NCAPD2: variants seen among roughly 807,000 people sequenced by gnomAD.
The protein encoded by NCAPD2 is non-SMC condensin I complex subunit D2, also known as condensin complex subunit 1.
Under a neutral mutation model 164.5 loss-of-function variants are expected in NCAPD2, and 100 were observed. The ratio of observed to expected loss-of-function variants is 0.61; its 90% CI spans 0.52 to 0.72. The LOEUF (loss-of-function observed/expected upper bound fraction) is 0.72. Ranked by LOEUF, NCAPD2 falls within the 30% of genes least tolerant of loss-of-function variation. NCAPD2 has a pLI of 0.00. For synonymous variants in NCAPD2, 585 were observed against 642.6 expected (o/e 0.91, Z 1.36); for missense variants, 1,560 against 1,749.2 (o/e 0.89, Z 1.93).
intron 14 of NCAPD2, 58 bp downstream of exon 14, chr12:6,521,168 C>A: frequency 6.3e-7 from 1 of 1,586,670 alleles, no homozygotes; most frequent in Non-Finnish European, 8.6e-7. Context: ...ATTTACTGAG[C>A]ATTAACTTTA....
At chr12:6,530,627 T>C in intron 29 of NCAPD2, 64 bp from the exon 30 acceptor site, 1 of 1,599,422 alleles carries the variant, frequency 6.3e-7, no homozygotes, top group Non-Finnish European at 8.5e-7. Flanking sequence ...TCCATGGCCT[T>C]GTTTCTTTTT....
At chr12:6,529,630 G>A (rs759818355) in intron 28 of NCAPD2, 37 bp downstream of exon 28, 12 of 1,610,922 alleles carry the variant, frequency 7.4e-6, no homozygotes, top group Admixed American at 1.7e-5. Flanking sequence ...TGTGCTGAGC[G>A]GGGCCCTGCA....
chr12:6,510,042 C>T (rs1373437386), intron 3 of NCAPD2, 33 bp from the exon 4 acceptor site: 7 of 1,604,074 alleles, frequency 4.4e-6, no homozygotes, highest in Admixed American at 1.7e-5. Context: ...AGGCTCCTTC[C>T]TGTCTCACCC....
Position 6,531,457 on chromosome 12 carries a change from A to G in NCAPD2, c.*45A>G. 6.2e-7 allele frequency: 1 copy of G among 1,605,496 alleles called. No homozygotes were observed. The highest frequency in any genetic ancestry group is 8.5e-7 in the Non-Finnish European group (1 of 1,177,116). ...CCTGTGCAGGGTATCCTGTAGGGTGACCTGGAATTCGAATTCTGTTTCCCT... is the reference window on the plus strand; with the variant it reads ...CCTGTGCAGGGTATCCTGTAGGGTGGCCTGGAATTCGAATTCTGTTTCCCT... On this transcript the variant is annotated 3_prime_UTR_variant, in exon 32 of 32. Coordinates refer to ENST00000315579, the MANE Select transcript of NCAPD2 (RefSeq NM_014865.4). The surrounding 1 kb of genome is among the most constrained non-coding windows in gnomAD (Gnocchi z 4.1).
At chr12:6,506,880 G>T (rs1176951558) in intron 2 of NCAPD2, among the ~76,000 whole-genome samples, 6 of 152,018 alleles carry the variant, frequency 3.9e-5, no homozygotes, top group Admixed American at 6.6e-5. Context: ...TATATTTACT[G>T]AAAAAAATTA....
At position 6,530,737 on chromosome 12, in the gene NCAPD2, G is replaced by C; in HGVS notation, c.3884G>C (p.Arg1295Thr). Reference sequence around the variant, plus strand: ...CAGAAGCTTCGGGCCTGTCATACCAGAGGTTTGGATGGAATCAAGGAGCTT... The same window carrying C: ...CAGAAGCTTCGGGCCTGTCATACCACAGGTTTGGATGGAATCAAGGAGCTT... ...FEQKLRACHT[R>T]GLDGIKELEI... The change falls in exon 30 of 32, where the codon AGA (arginine) becomes ACA (threonine). Residue 1295 changes from arginine (R) to threonine (T), a missense_variant. Transcript: ENST00000315579. 1 of 1,614,156 alleles carries C rather than the reference G, an allele frequency of 6.2e-7. No individual in the cohort carries two copies. Among genetic ancestry groups the C allele is most frequent in the East Asian group, 2.2e-5 (1 of 44,882 alleles).
At chr12:6,520,002 C>T (rs980201791) in intron 13 of NCAPD2, among the ~76,000 whole-genome samples, 1 of 151,864 alleles carries the variant, frequency 6.6e-6, no homozygotes, top group Non-Finnish European at 1.5e-5. Flanking sequence ...GGCGAAATGG[C>T]GAAACCCATC....
At chr12:6,530,440 T>C (rs57428238) in intron 29 of NCAPD2, among the ~76,000 whole-genome samples, 1,681 of 152,092 alleles carry the variant, frequency 0.011, 32 homozygotes, top group African/African-American at 0.037. Context: ...TACAGAAGAG[T>C]TTCACTGCCT....
chr12:6,528,785 G>A lies in NCAPD2; in HGVS notation c.3406G>A (p.Val1136Met), dbSNP rs755365795. 6 of 1,614,136 alleles carry A rather than the reference G, an allele frequency of 3.7e-6. No individual in the cohort carries two copies. The South Asian group carries it at 6.6e-5, about 18-fold the overall frequency. The change falls in exon 26 of 32, where the codon GTG becomes ATG. Residue 1136 changes from valine to methionine, a missense_variant. Val to Met is a conservative substitution (Grantham distance 21). Transcript: ENST00000315579. The surrounding 1 kb of genome is among the most constrained non-coding windows in gnomAD (Gnocchi z 5.1). Reference sequence around the variant, plus strand: ...GAAGGGGCAGGTCAGCGAGATGGCGGTGCTGCTCATCGACCCCGAGCCTCA... The same window carrying A: ...GAAGGGGCAGGTCAGCGAGATGGCGATGCTGCTCATCGACCCCGAGCCTCA... Reference protein sequence around the residue: ...KVKGQVSEMAVLLIDPEPQIA... With the variant: ...KVKGQVSEMAMLLIDPEPQIA...
At chr12:6,505,196 A>T (rs1426114588) in intron 2 of NCAPD2, among the ~76,000 whole-genome samples, 1 of 152,098 alleles carries the variant, frequency 6.6e-6, no homozygotes, top group Non-Finnish European at 1.5e-5. Context: ...CCTCCCAAGT[A>T]GCTGGGATTA....
chr12:6,518,515 T>TTTTTTTTTG (rs1592173042), intron 13 of NCAPD2, among the ~76,000 whole-genome samples: 1 of 109,240 alleles, frequency 9.2e-6, no homozygotes, highest in African/African-American at 3.9e-5. Context: ...TTTTTTTTTT[T>TTTTTTTTTG]TTTTTTTTTT....
intron 2 of NCAPD2, among the ~76,000 whole-genome samples, chr12:6,506,568 C>T (rs1354704179): frequency 6.8e-6 from 1 of 146,168 alleles, no homozygotes; most frequent in African/African-American, 2.6e-5. Context: ...CCAGCCTGGG[C>T]GACAGAGAGA....
At position 6,528,954 on chromosome 12, in the gene NCAPD2, A is replaced by G. The variant is rs1042256199; in HGVS notation, c.3487A>G (p.Ile1163Val). 1.5e-5 allele frequency: 24 copies of G among 1,613,930 alleles called. No individual in the cohort carries two copies. The highest frequency in any genetic ancestry group is 4.0e-5 in the African/African-American group (3 of 74,876). Residue 1163 changes from isoleucine (I) to valine (V), a missense_variant, in exon 27 of 32, where the codon ATC becomes GTC. Coordinates refer to ENST00000315579, the MANE Select transcript of NCAPD2 (RefSeq NM_014865.4). This position sits in a 1 kb window ranked among gnomAD's most constrained non-coding sequence, Gnocchi z 5.1. ...TCTCTCTGTCTTACAGGGCAACGCA[A>G]TCTATAATCTCCTTCCAGATATCAT... ...FNELSHKGNA[I>V]YNLLPDIISR... is the part of the protein sequence containing the mutation.
At chr12:6,510,512 A>T in intron 4 of NCAPD2, 117 bp from the exon 5 acceptor site, 1 of 1,202,476 alleles carries the variant, frequency 8.3e-7, no homozygotes, top group Non-Finnish European at 1.2e-6. Context: ...TGTTATGGCC[A>T]CTGAGAGATG....
intron 13 of NCAPD2, 155 bp from the exon 14 acceptor site, chr12:6,520,831 C>T: frequency 2.3e-6 from 2 of 863,414 alleles, no homozygotes; most frequent in Non-Finnish European, 3.5e-6. Flanking sequence ...TGAGCCCTAC[C>T]CCTTAGTAGG....
intron 9 of NCAPD2, among the ~76,000 whole-genome samples, chr12:6,515,646 G>T (rs1345840099): frequency 6.6e-6 from 1 of 152,172 alleles, no homozygotes; most frequent in Non-Finnish European, 1.5e-5. Flanking sequence ...CCATACTGAT[G>T]TTGGGCACTC....
rs974983778 is a variant in NCAPD2 at position 6,528,875 on chromosome 12, C to T, written c.3477+19C>T. ...CCACAAGGTGAGAGGCAGAGAGGCA[C>T]TGAGGGCTGGCTGCAGAGGGAATCT... On this transcript the variant is annotated intron_variant, in intron 26 of 31. Coordinates refer to ENST00000315579, the MANE Select transcript of NCAPD2 (RefSeq NM_014865.4). The surrounding 1 kb of genome is among the most constrained non-coding windows in gnomAD (Gnocchi z 5.1). The T allele has an allele frequency of 1.9e-6, 3 of 1,612,944 alleles. No homozygotes were observed. The African/African-American group carries it at 4.0e-5, about 22-fold the overall frequency.
chr12:6,520,971 C>G lies in NCAPD2; in HGVS notation c.1590-15C>G. On this transcript the variant is annotated splice_polypyrimidine_tract_variant and intron_variant, in intron 13 of 31. Coordinates refer to ENST00000315579, the MANE Select transcript of NCAPD2 (RefSeq NM_014865.4). ...TGACATTCTTCTGGGTACTGACAGG[C>G]TGGTGTTCTTTCAGAAAGGCCATCA... 6.2e-7 allele frequency: 1 copy of G among 1,613,632 alleles called. No homozygotes were observed. The highest frequency in any genetic ancestry group is 1.1e-5 in the South Asian group (1 of 91,062).
rs1565540971 is a variant in NCAPD2, at chr12:6,509,639, T to C, written c.128-78T>C. 3 of 1,280,442 alleles carry C rather than the reference T, an allele frequency of 2.3e-6. No individual in the cohort carries two copies. The Admixed American group carries it at 5.3e-5, about 22-fold the overall frequency. 79.3% of individuals were successfully genotyped at this position (1,280,442 alleles called of 1,614,324 possible). ...ATTCTACCAATAAAAGCAATAAACC[T>C]AGTTTTCTGCCATGGATAGAATTTA... is the stretch of plus-strand genomic sequence containing the variant. On this transcript the variant is annotated intron_variant, in intron 2 of 31. Transcript: ENST00000315579.
Sources: gnomAD v4.1 joint callset for allele counts (sites outside exome capture counted in the v4.1 genomes callset) on GRCh38, gnomAD v4.1.1 for gene constraint, Gnocchi (gnomAD v3.1) non-coding constraint, MANE v1.5 for transcripts, NCBI Gene and HGNC (gene_info 2026-07-23, HGNC 2026-07-21) for gene names.